The following DGKB variants were observed in gnomAD, a reference collection of about 807,000 sequenced individuals.
DGKB encodes the protein diacylglycerol kinase beta.
In DGKB, 67 loss-of-function variants were observed where a neutral mutation model predicts 114.3. The ratio of observed to expected loss-of-function variants is 0.59; its 90% CI spans 0.48 to 0.72. DGKB has a LOEUF of 0.72. DGKB is among the 30% of genes least tolerant of loss of function. The pLI, the probability that DGKB is intolerant of heterozygous loss-of-function variation, is 0.00. For synonymous variants in DGKB, 398 were observed against 323.1 expected (o/e 1.23, Z -2.49); for missense variants, 907 against 975.2 (o/e 0.93, Z 0.93).
chr7:14,661,640 A>T (rs559980610), intron 13 of DGKB, among the ~76,000 whole-genome samples: 1 of 152,198 alleles, frequency 6.6e-6, no homozygotes, highest in Non-Finnish European at 1.5e-5. Context: ...TGTGGAAGTC[A>T]GTGTGGCGAT....
chr7:14,538,085 C>CAAAAA (rs58405374), intron 20 of DGKB, among the ~76,000 whole-genome samples: 619 of 44,778 alleles, frequency 0.014, 45 homozygotes, highest in Non-Finnish European at 0.023. Context: ...ATCTCTGTCT[C>CAAAAA]AAAAAAAAAA....
intron 21 of DGKB, among the ~76,000 whole-genome samples, chr7:14,456,051 C>T (rs1468422188): frequency 2.0e-5 from 3 of 151,924 alleles, no homozygotes; most frequent in Non-Finnish European, 4.4e-5. Context: ...TGAGGGCCAA[C>T]GGGATGCCAC....
At chr7:14,901,654 A>C (rs987123069) in intron 1 of DGKB, among the ~76,000 whole-genome samples, 1 of 134,568 alleles carries the variant, frequency 7.4e-6, no homozygotes, top group African/African-American at 2.8e-5. Context: ...AATCTGGTCA[A>C]TGCAAGAGGA....
In DGKB at chr7:14,899,175, C is replaced by T. The variant is rs546584223; in HGVS notation, c.-188+3417G>A. 3.9e-5 allele frequency among the ~76,000 whole-genome samples: 6 copies of T among 152,174 alleles called. No individual in the cohort carries two copies. The East Asian group carries it at 9.7e-4, about 25-fold the overall frequency. ...CCTAAATGAACCATTTTGTTTTTATCCTCACCAGTTAAAGATGGCTTTTGC... is the reference window on the plus strand; with the variant it reads ...CCTAAATGAACCATTTTGTTTTTATTCTCACCAGTTAAAGATGGCTTTTGC... On this transcript the variant is annotated intron_variant, in intron 1 of 25. Coordinates refer to ENST00000402815, the MANE Select transcript of DGKB (RefSeq NM_001350709.2).
chr7:14,729,192 G>T (rs1200405821), intron 5 of DGKB, among the ~76,000 whole-genome samples: 2 of 139,376 alleles, frequency 1.4e-5, no homozygotes, highest in African/African-American at 5.5e-5. Context: ...GCGCCATCTC[G>T]GCTCACTGCA....
chr7:14,561,637 A>T (rs1796674672), intron 20 of DGKB, among the ~76,000 whole-genome samples: 1 of 152,322 alleles, frequency 6.6e-6, no homozygotes, highest in African/African-American at 2.4e-5. Flanking sequence ...GAACTGGAGC[A>T]ATGGTAACTC....
intron 21 of DGKB, among the ~76,000 whole-genome samples, chr7:14,417,648 C>T (rs76691514): frequency 0.028 from 4,287 of 151,660 alleles, 220 homozygotes; most frequent in African/African-American, 0.098. Context: ...TAAGTTTTTG[C>T]ATGGACATGT....
intron 1 of DGKB, chr7:14,974,601 T>C (rs1211414289): frequency 2.0e-5 from 3 of 152,102 alleles, no homozygotes; most frequent in Non-Finnish European, 2.9e-5. Context: ...ATTTATTCCA[T>C]CAAATAGATC....
intron 21 of DGKB, among the ~76,000 whole-genome samples, chr7:14,379,843 CG>C: frequency 6.7e-6 from 1 of 150,082 alleles, no homozygotes; most frequent in Non-Finnish European, 1.5e-5. Flanking sequence ...CAGGCGTGAG[CG>C]AGCGGGCCCG....
At chr7:14,585,031 TA>T in intron 17 of DGKB, among the ~76,000 whole-genome samples, 1 of 152,234 alleles carries the variant, frequency 6.6e-6, no homozygotes. Context: ...TTGCATCATT[TA>T]AAAAAATTTT....
At chr7:14,345,439 G>C in intron 21 of DGKB, 48 bp from the exon 22 acceptor site, 6 of 993,936 alleles carry the variant, frequency 6.0e-6, no homozygotes, top group Non-Finnish European at 3.0e-6. Flanking sequence ...CAATAACAGA[G>C]GGATCTTTTA....
chr7:14,798,565 A>C (rs1044776883), intron 2 of DGKB, among the ~76,000 whole-genome samples: 1 of 152,206 alleles, frequency 6.6e-6, no homozygotes, highest in African/African-American at 2.4e-5. Flanking sequence ...ATTAGAGAGC[A>C]AAGGGGGAGT....
intron 23 of DGKB, among the ~76,000 whole-genome samples, chr7:14,230,410 T>C (rs952952173): frequency 6.6e-6 from 1 of 151,950 alleles, no homozygotes; most frequent in African/African-American, 2.4e-5. Context: ...TTCTCTTACC[T>C]GAAAAATGGT....
chr7:14,745,506 A>AG (rs750371259), intron 4 of DGKB, among the ~76,000 whole-genome samples: 3 of 152,214 alleles, frequency 2.0e-5, no homozygotes, highest in Non-Finnish European at 4.4e-5. Flanking sequence ...TATTGAGCAC[A>AG]GGGGGGCTTG....
intron 21 of DGKB, among the ~76,000 whole-genome samples, chr7:14,349,344 G>T (rs146210648): frequency 6.6e-6 from 1 of 152,054 alleles, no homozygotes; most frequent in South Asian, 2.1e-4. Flanking sequence ...CAGGTTCTGT[G>T]ATCTAATGTA....
intron 25 of DGKB, among the ~76,000 whole-genome samples, chr7:14,160,093 T>G (rs567450245): frequency 4.6e-5 from 7 of 152,154 alleles, no homozygotes; most frequent in Non-Finnish European, 1.0e-4. Context: ...GAGAATGATA[T>G]GATATAATCT....
At chr7:14,335,943 T>C (rs1408034580) in intron 23 of DGKB, among the ~76,000 whole-genome samples, 2 of 152,036 alleles carry the variant, frequency 1.3e-5, no homozygotes, top group African/African-American at 4.8e-5. Flanking sequence ...CCTTTCCCAG[T>C]ATGTTGCCTA....
intron 23 of DGKB, among the ~76,000 whole-genome samples, chr7:14,298,650 A>G (rs1355877045): frequency 2.6e-5 from 4 of 152,204 alleles, no homozygotes; most frequent in Non-Finnish European, 4.4e-5. Flanking sequence ...TGCATGACTA[A>G]AACACCAAAA....
chr7:14,779,141 G>A (rs1410842119), intron 2 of DGKB, among the ~76,000 whole-genome samples: 1 of 152,180 alleles, frequency 6.6e-6, no homozygotes, highest in African/African-American at 2.4e-5. Flanking sequence ...GGGAGACAGA[G>A]TGAGACTCCA....
Sources: allele counts gnomAD v4.1 joint callset (sites outside exome capture counted in the v4.1 genomes callset), GRCh38; gene constraint gnomAD v4.1.1; transcripts MANE v1.5; gene names NCBI Gene and HGNC (gene_info 2026-07-23, HGNC 2026-07-21).